USP50: variants seen among roughly 807,000 people sequenced by gnomAD.
USP50 encodes the protein ubiquitin specific peptidase 50.
In USP50, 37 loss-of-function variants were observed where a neutral mutation model predicts 39.2. The observed-to-expected ratio is 0.94, with a 90% CI of 0.73 to 1.24. The LOEUF (loss-of-function observed/expected upper bound fraction) is 1.24. Among genes scored for constraint, USP50 ranks in the 50% most tolerant of loss-of-function variants. The probability of loss-of-function intolerance (pLI) is 0.00; values close to 1 mark genes in which losing one functional copy is unlikely to be tolerated. For missense variants in USP50, 374 were observed against 398.2 expected (o/e 0.94, Z 0.52); for synonymous variants, 139 against 144.5 (o/e 0.96, Z 0.27).
downstream of USP50, chr15:50,493,704 C>T (rs993565974): frequency 2.7e-5 from 10 of 373,112 alleles, no homozygotes; most frequent in South Asian, 4.1e-5. Context: ...GTGATTGTGC[C>T]GCTATACTCC....
At chr15:50,517,195 G>A (rs2052810397) in intron 6 of USP50, among the ~76,000 whole-genome samples, 1 of 152,188 alleles carries the variant, frequency 6.6e-6, no homozygotes, top group Non-Finnish European at 1.5e-5. Context: ...CGGAGGCCAG[G>A]TGTGGTGGCT....
intron 6 of USP50, chr15:50,511,770 G>A (rs1379434155): frequency 6.6e-6 from 1 of 152,322 alleles, no homozygotes; most frequent in Non-Finnish European, 1.5e-5. Context: ...GCCGAGGCAG[G>A]TGGATCACTT....
At chr15:50,530,399 T>C (rs1318992035) in intron 5 of USP50, among the ~76,000 whole-genome samples, 2 of 151,888 alleles carry the variant, frequency 1.3e-5, no homozygotes, top group African/African-American at 4.8e-5. Flanking sequence ...TTGGCCAATA[T>C]GGTGAAACCT....
At chr15:50,536,829 C>T (rs919532655) in intron 5 of USP50, among the ~76,000 whole-genome samples, 5 of 152,086 alleles carry the variant, frequency 3.3e-5, no homozygotes, top group African/African-American at 1.2e-4. Context: ...ATTCTATATT[C>T]ATGGATAAGA....
intron 3 of USP50, among the ~76,000 whole-genome samples, chr15:50,542,078 T>G (rs993449595): frequency 6.6e-6 from 1 of 151,802 alleles, no homozygotes. Context: ...AGAGCAAATC[T>G]TAAATTTCTA....
Position 50,494,190 on chromosome 15 carries a change from G to A in USP50, n.185-60C>T, listed in dbSNP as rs772158668. On this transcript the variant is annotated intron_variant and non_coding_transcript_variant, in intron 1 of 1. Transcript: ENST00000560159. The stretch of plus-strand genomic sequence containing the variant: ...AGGACTTTAAAATCACCATTGGGAA[G>A]ATCAATGACCAGTTTGCAGGATACA... 4 of 1,613,930 alleles carry A rather than the reference G, an allele frequency of 2.5e-6. 1 individual carries two copies. The highest frequency in any genetic ancestry group is 2.2e-5 in the South Asian group (2 of 91,036).
chr15:50,520,254 G>C (rs1334657134), intron 6 of USP50, among the ~76,000 whole-genome samples: 1 of 151,952 alleles, frequency 6.6e-6, no homozygotes, highest in Non-Finnish European at 1.5e-5. Context: ...GGTTGTAATG[G>C]AGCCATGATT....
At chr15:50,527,010 G>A (rs1025958536) in intron 6 of USP50, among the ~76,000 whole-genome samples, 1 of 152,186 alleles carries the variant, frequency 6.6e-6, no homozygotes, top group Non-Finnish European at 1.5e-5. Flanking sequence ...TGAAGAGCCT[G>A]CCTTGTAAAG....
At position 50,538,316 on chromosome 15, in the gene USP50, G is replaced by T. The variant is rs112684021; in HGVS notation, c.803+393C>A. On this transcript the variant is annotated intron_variant, in intron 5 of 6. Coordinates refer to ENST00000532404, the MANE Select transcript of USP50 (RefSeq NM_203494.5). ...AAAAAAAAAAGACAGAAAAAGAAAA[G>T]AAAAGAAAACCAACAACCCAATTTT... is the stretch of plus-strand genomic sequence containing the variant. Among the ~76,000 whole-genome samples, 287 of 93,620 alleles carry T rather than the reference G, an allele frequency of 3.1e-3. 1 individual carries two copies. Among genetic ancestry groups the T allele is most frequent in the African/African-American group, 0.011 (278 of 24,574 alleles). 61.4% of individuals were successfully genotyped at this position (93,620 alleles called of 152,430 possible).
At chr15:50,497,691 T>G (rs2052470629), downstream of USP50, 1 of 152,246 alleles carries the variant, frequency 6.6e-6, no homozygotes, top group South Asian at 2.1e-4. Context: ...ATGGAAAAGA[T>G]CTAGTCCTAT....
intron 3 of USP50, among the ~76,000 whole-genome samples, chr15:50,542,926 G>T (rs1210471473): frequency 1.3e-5 from 2 of 152,124 alleles, no homozygotes; most frequent in Non-Finnish European, 2.9e-5. Flanking sequence ...GTTAGCAGAA[G>T]GATGTTGCAT....
At chr15:50,515,652 GTA>G (rs35695423) in intron 6 of USP50, among the ~76,000 whole-genome samples, 31,572 of 147,420 alleles carry the variant, frequency 0.21, 3,619 homozygotes, top group Admixed American at 0.3. Flanking sequence ...ATATATATGT[GTA>G]TATATATATA....
intron 1 of USP50, among the ~76,000 whole-genome samples, chr15:50,495,355 TATATAG>T (rs1354130047): frequency 2.8e-5 from 2 of 71,902 alleles, no homozygotes; most frequent in Non-Finnish European, 6.0e-5. Flanking sequence ...CATATATACA[TATATAG>T]AGAGAGAGAG....
Position 50,529,847 on chromosome 15 carries a change from T to C in USP50, c.886A>G (p.Ile296Val), listed in dbSNP as rs916531224. The C allele has an allele frequency of 2.5e-6, 4 of 1,613,888 alleles. No individual in the cohort carries two copies. The highest frequency in any genetic ancestry group is 3.4e-6 in the Non-Finnish European group (4 of 1,179,848). Residue 296 changes from isoleucine (I) to valine (V), a missense_variant, in exon 6 of 7, where the codon ATT (isoleucine) becomes GTT (valine). Physicochemically the swap from Ile to Val is conservative, Grantham distance 29. Coordinates refer to ENST00000532404, the MANE Select transcript of USP50 (RefSeq NM_203494.5). Reference sequence around the variant, plus strand: ...GGATATTTCCGGAAAATTGAGCAAATATAAGGAGTGAGGTCCAAGTTAGTG... The same window carrying C: ...GGATATTTCCGGAAAATTGAGCAAACATAAGGAGTGAGGTCCAAGTTAGTG... ...PLTNLDLTPYICSIFRKYPKY... is the reference protein window; with the variant it reads ...PLTNLDLTPYVCSIFRKYPKY...
chr15:50,501,990 C>T (rs2052596892), intron 6 of USP50: 1 of 152,148 alleles, frequency 6.6e-6, no homozygotes, highest in South Asian at 2.1e-4. Context: ...AACAGTAAAA[C>T]TGAATAGTTG....
In USP50 at chr15:50,538,965, C is replaced by G. The variant is rs538896134; in HGVS notation, c.661-114G>C. ...GAAATGTAGTTCTCAGTGCTTTTCT[C>G]AAAGTCAACAAATCCAGAAGACAAC... On this transcript the variant is annotated intron_variant, in intron 4 of 6. Coordinates refer to ENST00000532404, the MANE Select transcript of USP50 (RefSeq NM_203494.5). The G allele has an allele frequency of 5.3e-6, 6 of 1,125,454 alleles. No individual in the cohort carries two copies. The East Asian group carries it at 1.5e-4, about 29-fold the overall frequency. The allele number at this position is 1,125,454 out of a possible 1,614,324, so 69.7% of individuals were successfully genotyped here.
chr15:50,525,514 A>G (rs1361427325), intron 6 of USP50, among the ~76,000 whole-genome samples: 1 of 109,620 alleles, frequency 9.1e-6, no homozygotes, highest in African/African-American at 3.7e-5. Context: ...GTGTGTATAT[A>G]TATGTATATA....
chr15:50,528,805 A>G (rs2052918156), intron 6 of USP50, among the ~76,000 whole-genome samples: 2 of 152,230 alleles, frequency 1.3e-5, no homozygotes, highest in South Asian at 2.1e-4. Context: ...CTTAGAATAC[A>G]TTAATTCAAC....
At chr15:50,532,403 C>G (rs2052948043) in intron 5 of USP50, among the ~76,000 whole-genome samples, 1 of 152,078 alleles carries the variant, frequency 6.6e-6, no homozygotes, top group Non-Finnish European at 1.5e-5. Flanking sequence ...CCATCCTGTT[C>G]CACCGAAGCG....
Sources: gnomAD v4.1 joint callset for allele counts (sites outside exome capture counted in the v4.1 genomes callset) on GRCh38, gnomAD v4.1.1 for gene constraint, MANE v1.5 for transcripts, NCBI Gene and HGNC (gene_info 2026-07-23, HGNC 2026-07-21) for gene names.